The following TSPEAR variants were observed in gnomAD, a reference collection of about 807,000 sequenced individuals.
The protein encoded by TSPEAR is thrombospondin-type laminin G domain and EAR repeat-containing protein.
A neutral mutation model predicts 71.6 loss-of-function variants in TSPEAR; 69 were observed. The observed-to-expected ratio is 0.96, with a 90% CI of 0.79 to 1.18. The LOEUF (loss-of-function observed/expected upper bound fraction) is 1.18. TSPEAR is among the 50% of genes most tolerant of loss of function. The pLI is 0.00. For synonymous variants in TSPEAR, 402 were observed against 387.2 expected, an observed-to-expected ratio of 1.04 and a Z score of -0.45; for missense variants, 971 against 894.9, an observed-to-expected ratio of 1.09 and a Z score of -1.09.
intron 1 of TSPEAR, among the ~76,000 whole-genome samples, chr21:44,584,650 A>C (rs1555925507): frequency 6.6e-6 from 1 of 152,136 alleles, no homozygotes; most frequent in African/African-American, 2.4e-5. Context: ...TGGTTTTGGC[A>C]TCAGGGTCTC....
intron 9 of TSPEAR, chr21:44,515,543 AG>A (rs1555913295): frequency 6.6e-6 from 1 of 152,350 alleles, no homozygotes; most frequent in African/African-American, 2.4e-5. Flanking sequence ...TCGCTAGCCC[AG>A]ACCCTCCCCT....
chr21:44,558,614 G>A, intron 2 of TSPEAR: 1 of 1,606,280 alleles, frequency 6.2e-7, no homozygotes, highest in African/African-American at 1.3e-5. Context: ...CGCAGCAGCT[G>A]GTGGCGCAGC....
chr21:44,639,059 A>G (rs1175541185), intron 1 of TSPEAR, among the ~76,000 whole-genome samples: 4 of 152,090 alleles, frequency 2.6e-5, no homozygotes, highest in African/African-American at 9.7e-5. Context: ...TGGCGAGAGC[A>G]CAGATGGGCA....
In TSPEAR at chr21:44,592,594, C is replaced by T. The variant is rs186924110; in HGVS notation, c.83-24589G>A. On this transcript the variant is annotated intron_variant, in intron 1 of 11. Coordinates refer to ENST00000323084, the MANE Select transcript of TSPEAR (RefSeq NM_144991.3). ...TCCCCGGGCCCACAGCTTCCCCTTC[C>T]GTGTTGCCGAGAGCTGGAGTCTGCC... 341 of 1,490,630 alleles carry T rather than the reference C, an allele frequency of 2.3e-4. 5 individuals are homozygous for T. In the Admixed American group the frequency reaches 7.4e-3, roughly 32 times the overall value. The allele number at this position is 1,490,630 out of a possible 1,614,324, so 92.3% of individuals were successfully genotyped here.
At chr21:44,627,909 C>G in intron 1 of TSPEAR, 1 of 1,521,124 alleles carries the variant, frequency 6.6e-7, no homozygotes, top group South Asian at 1.2e-5. Flanking sequence ...GCTGCGTGCC[C>G]GTCTCCTCCT....
At chr21:44,674,566 A>G (rs1390107878) in intron 1 of TSPEAR, among the ~76,000 whole-genome samples, 1 of 151,940 alleles carries the variant, frequency 6.6e-6, no homozygotes, top group Non-Finnish European at 1.5e-5. Context: ...AAAATACAAA[A>G]ATTAGCTAGT....
In TSPEAR at chr21:44,501,396, C is replaced by T. The variant is rs373184264; in HGVS notation, c.1857-1460G>A. ...AGATCACAAGGTCAGGAGATCGAGA[C>T]CATCCTGGCTAACACAGTGAAACCC... On this transcript the variant is annotated intron_variant, in intron 11 of 11. Coordinates refer to ENST00000323084, the MANE Select transcript of TSPEAR (RefSeq NM_144991.3). 3.8e-3 allele frequency among the ~76,000 whole-genome samples: 578 copies of T among 152,150 alleles called. 6 individuals are homozygous for T. The highest frequency in any genetic ancestry group is 0.017 in the Middle Eastern group (5 of 294).
At chr21:44,568,701 G>T (rs1362497567) in intron 1 of TSPEAR, among the ~76,000 whole-genome samples, 1 of 152,190 alleles carries the variant, frequency 6.6e-6, no homozygotes, top group Non-Finnish European at 1.5e-5. Flanking sequence ...AGGCTGAGTG[G>T]CTGGGAGCAG....
At position 44,550,495 on chromosome 21, in the gene TSPEAR, G is replaced by A. The variant is rs587621001; in HGVS notation, c.304-16572C>T. ...GTGGTCTGCAGCCAGGAAGCACCGT[G>A]AGGAGAAGCCAGGGCTCGCCCGCCC... On this transcript the variant is annotated intron_variant, in intron 2 of 11. Transcript: ENST00000323084. The A allele has an allele frequency of 2.0e-3, 1,641 of 831,662 alleles. 6 individuals carry two copies. In the African/African-American group the frequency reaches 0.022, roughly 11 times the overall value. 51.5% of individuals were successfully genotyped at this position (831,662 alleles called of 1,614,324 possible).
At chr21:44,509,141 G>T in intron 10 of TSPEAR, 58 bp downstream of exon 10, 1 of 1,560,958 alleles carries the variant, frequency 6.4e-7, no homozygotes. Flanking sequence ...CGGGGATTCC[G>T]ACATGGTGGG....
At chr21:44,553,214 G>A (rs781914271) in intron 2 of TSPEAR, among the ~76,000 whole-genome samples, 9 of 152,224 alleles carry the variant, frequency 5.9e-5, no homozygotes, top group Admixed American at 6.5e-5. Flanking sequence ...ATGGACAGAC[G>A]CGGAAGCTTC....
In TSPEAR at chr21:44,527,495, C is replaced by A; in HGVS notation, c.946G>T (p.Glu316Ter). The A allele has an allele frequency of 7.4e-6, 12 of 1,614,204 alleles. No homozygotes were observed. The highest frequency in any genetic ancestry group is 1.0e-5 in the Non-Finnish European group (12 of 1,180,036). ...LAAKERLDYV[E>*]EHQNLSTNSE... is the part of the protein sequence containing the mutation. ...TTGGTGGACAAGTTCTGATGCTCCT[C>A]CACGTAGTCCAGTCTTTCTTTGGCT... The change falls in exon 7 of 12, where the codon GAG (glutamate) becomes TAG (stop). Residue 316 changes from glutamate (E) to a stop codon, truncating the protein, a stop_gained. Coordinates refer to ENST00000323084, the MANE Select transcript of TSPEAR (RefSeq NM_144991.3). LOFTEE classifies it high-confidence loss of function.
At chr21:44,523,191 TAGTC>T (rs2052771880) in intron 8 of TSPEAR, among the ~76,000 whole-genome samples, 1 of 148,908 alleles carries the variant, frequency 6.7e-6, no homozygotes, top group Non-Finnish European at 1.5e-5. Context: ...GCCAGCCAAT[TAGTC>T]AGTGAAGTAG....
At chr21:44,644,777 A>C (rs1381583558) in intron 1 of TSPEAR, among the ~76,000 whole-genome samples, 4 of 152,202 alleles carry the variant, frequency 2.6e-5, no homozygotes. Flanking sequence ...GAAAGATGAA[A>C]TTATTATTAA....
chr21:44,602,669 C>T (rs370011931), intron 1 of TSPEAR, among the ~76,000 whole-genome samples: 97 of 152,354 alleles, frequency 6.4e-4, no homozygotes, highest in African/African-American at 2.2e-3. Flanking sequence ...GTAGCCCAGG[C>T]AGAAGCTGCT....
At chr21:44,517,624 GT>G (rs1217743441) in intron 9 of TSPEAR, 7 of 387,120 alleles carry the variant, frequency 1.8e-5, no homozygotes, top group African/African-American at 1.5e-4. Context: ...CCCACCGTGT[GT>G]GCTCCTTGTC....
intron 1 of TSPEAR, among the ~76,000 whole-genome samples, chr21:44,628,716 G>T (rs62219768): frequency 0.048 from 7,311 of 152,042 alleles, 227 homozygotes; most frequent in South Asian, 0.1. Flanking sequence ...CCCCAGCTGT[G>T]CTGGGAGGTG....
intron 1 of TSPEAR, among the ~76,000 whole-genome samples, chr21:44,665,876 G>A (rs1210800914): frequency 8.5e-5 from 13 of 152,178 alleles, no homozygotes; most frequent in Non-Finnish European, 1.9e-4. Flanking sequence ...AAACCCAATT[G>A]TCAATGCTCT....
At chr21:44,561,615 C>T (rs903275786) in intron 2 of TSPEAR, among the ~76,000 whole-genome samples, 7 of 152,170 alleles carry the variant, frequency 4.6e-5, no homozygotes, top group Admixed American at 3.9e-4. Flanking sequence ...AGCAGCATAT[C>T]GAAAAGCTTA....
Sources: allele counts gnomAD v4.1 joint callset (sites outside exome capture counted in the v4.1 genomes callset), GRCh38; gene constraint gnomAD v4.1.1; transcripts MANE v1.5; gene names NCBI Gene and HGNC (gene_info 2026-07-23, HGNC 2026-07-21).